The following PLAC9 variants were observed in gnomAD, a reference collection of about 807,000 sequenced individuals.
PLAC9 encodes placenta associated 9, also known as placenta-specific protein 9.
Under a neutral mutation model 11.5 loss-of-function variants are expected in PLAC9, and 12 were observed. The ratio of observed to expected loss-of-function variants is 1.05; its 90% CI spans 0.67 to 1.69. The LOEUF (loss-of-function observed/expected upper bound fraction) is 1.69. Among genes scored for constraint, PLAC9 ranks in the 40% most tolerant of loss-of-function variants. PLAC9 has a pLI of 0.00. For synonymous variants in PLAC9, 62 were observed against 58.1 expected (o/e 1.07, Z -0.31); for missense variants, 132 against 130.5 (o/e 1.01, Z -0.06).
chr10:80,143,103 A>G (rs907681538), intron 2 of PLAC9, among the ~76,000 whole-genome samples: 25 of 151,398 alleles, frequency 1.7e-4, no homozygotes, highest in Admixed American at 4.6e-4. Context: ...CCATGGTACA[A>G]TCTTGGCTCA....
intron 1 of PLAC9, among the ~76,000 whole-genome samples, chr10:80,137,376 T>TC (rs1682771886): frequency 6.6e-6 from 1 of 152,126 alleles, no homozygotes; most frequent in African/African-American, 2.4e-5. Flanking sequence ...TCACACTGCA[T>TC]CCCCCTGGCC....
intron 1 of PLAC9, among the ~76,000 whole-genome samples, chr10:80,141,276 A>G (rs1414947523): frequency 6.6e-6 from 1 of 152,112 alleles, no homozygotes; most frequent in Non-Finnish European, 1.5e-5. Context: ...TAAAAAATTC[A>G]TGTTTGGCTC....
intron 1 of PLAC9, among the ~76,000 whole-genome samples, chr10:80,137,043 A>G (rs1443489008): frequency 2.6e-5 from 4 of 152,246 alleles, no homozygotes; most frequent in Non-Finnish European, 5.9e-5. Flanking sequence ...CGTTCAAGTC[A>G]GCGCTGTGGT....
chr10:80,144,607 C>G (rs576582808), intron 3 of PLAC9, among the ~76,000 whole-genome samples: 1 of 152,098 alleles, frequency 6.6e-6, no homozygotes, highest in South Asian at 2.1e-4. Flanking sequence ...ACAACCCCTG[C>G]GCGGAGAAAC....
At chr10:80,142,283 C>T in intron 2 of PLAC9, 104 bp downstream of exon 2, 6 of 923,352 alleles carry the variant, frequency 6.5e-6, no homozygotes, top group Non-Finnish European at 9.7e-6. Flanking sequence ...GACATCCGGG[C>T]CGATCCTGCC....
intron 1 of PLAC9, among the ~76,000 whole-genome samples, chr10:80,136,191 T>G (rs1358936847): frequency 6.6e-6 from 1 of 152,130 alleles, no homozygotes; most frequent in Non-Finnish European, 1.5e-5. Context: ...CAGCAGCGTG[T>G]TCTCACCAGC....
Position 80,141,556 on chromosome 10 carries a change from A to G in PLAC9, c.65-526A>G, listed in dbSNP as rs181667427. Among the ~76,000 whole-genome samples, 465 of 152,184 alleles carry G rather than the reference A, an allele frequency of 3.1e-3. 4 individuals carry two copies. The highest frequency in any genetic ancestry group is 0.011 in the African/African-American group (443 of 41,516). The stretch of plus-strand genomic sequence containing the variant: ...GGAGGTTGGAGTGAGCTGAGATCGC[A>G]CCATTGCACTCCAGCCTGGGCGACA... On this transcript the variant is annotated intron_variant, in intron 1 of 3. Coordinates refer to ENST00000372263, the MANE Select transcript of PLAC9 (RefSeq NM_001012973.3).
At chr10:80,135,314 G>A (rs1484693278) in intron 1 of PLAC9, among the ~76,000 whole-genome samples, 18 of 126,100 alleles carry the variant, frequency 1.4e-4, no homozygotes, top group South Asian at 5.3e-4. Flanking sequence ...GAGCCACTGC[G>A]CCCGGCCTTT....
At chr10:80,139,101 A>G (rs1488165229) in intron 1 of PLAC9, among the ~76,000 whole-genome samples, 1 of 151,598 alleles carries the variant, frequency 6.6e-6, no homozygotes, top group African/African-American at 2.4e-5. Flanking sequence ...ACAGGTGCCC[A>G]CCGCCACGCC....
intron 2 of PLAC9, among the ~76,000 whole-genome samples, chr10:80,143,761 C>T (rs2819875): frequency 0.46 from 69,878 of 151,914 alleles, 16,380 homozygotes; most frequent in East Asian, 0.56. Context: ...TTATTTTTTG[C>T]ATTTAAGGCA....
intron 1 of PLAC9, among the ~76,000 whole-genome samples, chr10:80,137,136 G>A (rs980361426): frequency 2.6e-5 from 4 of 152,192 alleles, no homozygotes; most frequent in South Asian, 2.1e-4. Context: ...ATGAGCTCAC[G>A]GACAGTTGCT....
At position 80,132,771 on chromosome 10, in the gene PLAC9, C is replaced by T. The variant is rs773709830; in HGVS notation, c.9C>T (p.Pro3=). 6.5e-5 allele frequency: 97 copies of T among 1,488,794 alleles called. 1 individual carries two copies. The Admixed American group carries it at 1.0e-3, about 16-fold the overall frequency. 92.2% of individuals were successfully genotyped at this position (1,488,794 alleles called of 1,614,324 possible). Residue 3 remains proline (P), a synonymous_variant, in exon 1 of 4, where the codon CCC becomes CCT. Transcript: ENST00000372263. Reference sequence around the variant, plus strand: ...TCGGCCAGGCCGGCACCATGCGGCCCCTGCTCTGCGCGCTGACCGGACTGG... The same window carrying T: ...TCGGCCAGGCCGGCACCATGCGGCCTCTGCTCTGCGCGCTGACCGGACTGG... The part of the protein sequence containing the change: MR[P]LLCALTGLAL...
upstream of PLAC9, chr10:80,132,669 C>T (rs1219840660): frequency 1.1e-5 from 12 of 1,096,924 alleles, no homozygotes; most frequent in Non-Finnish European, 1.3e-5. Context: ...AATTTTGGCT[C>T]GAACTGAGTG....
intron 2 of PLAC9, 200 bp from the exon 3 acceptor site, chr10:80,144,023 C>A: frequency 1.5e-6 from 1 of 656,230 alleles, no homozygotes; most frequent in Non-Finnish European, 2.6e-6. Context: ...CCTTAGAGAG[C>A]AAGCCCCCTA....
intron 1 of PLAC9, among the ~76,000 whole-genome samples, chr10:80,141,197 CT>C (rs1293169398): frequency 2.0e-5 from 3 of 152,304 alleles, no homozygotes; most frequent in African/African-American, 7.2e-5. Context: ...TCCTTCACCC[CT>C]CTTATCCTGA....
At chr10:80,144,378 G>A (rs751634125) in intron 3 of PLAC9, 35 bp downstream of exon 3, 13 of 1,553,180 alleles carry the variant, frequency 8.4e-6, no homozygotes, top group Non-Finnish European at 1.1e-5. Context: ...CAGCCTCTGG[G>A]CGGCTGTCAT....
At chr10:80,143,050 AT>A (rs57098442) in intron 2 of PLAC9, among the ~76,000 whole-genome samples, 3 of 150,020 alleles carry the variant, frequency 2.0e-5, no homozygotes, top group African/African-American at 2.5e-5. Flanking sequence ...AAAAATTTAA[AT>A]TTTTTTTTGA....
intron 3 of PLAC9, 23 bp downstream of exon 3, chr10:80,144,366 G>A: frequency 3.2e-6 from 5 of 1,571,956 alleles, no homozygotes; most frequent in Non-Finnish European, 4.3e-6. Flanking sequence ...GGTGGCAGAG[G>A]ACAGCCTCTG....
Position 80,140,768 on chromosome 10 carries a change from G to A in PLAC9, c.65-1314G>A, listed in dbSNP as rs115832970. On this transcript the variant is annotated intron_variant, in intron 1 of 3. Transcript: ENST00000372263. ...AGGATGGTCTCAATCTCCTGACCTCGTGCGCCTACCTCGCCCTCCCAAAGT... is the reference window on the plus strand; with the variant it reads ...AGGATGGTCTCAATCTCCTGACCTCATGCGCCTACCTCGCCCTCCCAAAGT... Among the ~76,000 whole-genome samples the A allele has an allele frequency of 8.5e-3, 1,289 of 152,172 alleles. 19 individuals are homozygous for A. Among genetic ancestry groups the A allele is most frequent in the African/African-American group, 0.029 (1,210 of 41,526 alleles).
Sources: gnomAD v4.1 joint callset for allele counts (sites outside exome capture counted in the v4.1 genomes callset) on GRCh38, gnomAD v4.1.1 for gene constraint, MANE v1.5 for transcripts, NCBI Gene and HGNC (gene_info 2026-07-23, HGNC 2026-07-21) for gene names.